Variants in NCKAP5 observed in about 807,000 individuals in gnomAD.
The protein encoded by NCKAP5 is nck-associated protein 5.
In NCKAP5, 92 loss-of-function variants were observed where a neutral mutation model predicts 167.0. The ratio of observed to expected loss-of-function variants is 0.55; its 90% confidence interval spans 0.47 to 0.66. The LOEUF (loss-of-function observed/expected upper bound fraction) is 0.66. Ranked by LOEUF, NCKAP5 falls within the 30% of genes least tolerant of loss-of-function variation. The probability of loss-of-function intolerance (pLI) is 0.00; values close to 1 mark genes in which losing one functional copy is unlikely to be tolerated. For missense variants in NCKAP5, 2,378 were observed against 2,315.0 expected (o/e 1.03, Z -0.56); for synonymous variants, 891 against 877.4 (o/e 1.02, Z -0.27).
intron 6 of NCKAP5, among the ~76,000 whole-genome samples, chr2:133,013,707 C>T (rs1225031419): frequency 1.3e-5 from 2 of 152,204 alleles, no homozygotes; most frequent in Non-Finnish European, 2.9e-5. Flanking sequence ...TCAGGGACCA[C>T]AGCTCAGCCT....
intron 19 of NCKAP5, among the ~76,000 whole-genome samples, chr2:132,702,305 AC>A (rs1413765630): frequency 6.6e-6 from 1 of 152,128 alleles, no homozygotes; most frequent in African/African-American, 2.4e-5. Flanking sequence ...GCTCCCTGGC[AC>A]CACTCTTGGA....
Position 133,409,375 on chromosome 2 carries a change from T to C in NCKAP5, c.70-106265A>G, listed in dbSNP as rs77679805. 5.9e-4 allele frequency among the ~76,000 whole-genome samples: 90 copies of C among 152,314 alleles called. No homozygotes were observed. In the East Asian group the frequency reaches 0.015, roughly 25 times the overall value. Reference sequence around the variant, plus strand: ...GACGCTAAACATCTCAGAGGCAGGATTGTACCCTTTTTGTAGGCATTGGGC... The same window carrying C: ...GACGCTAAACATCTCAGAGGCAGGACTGTACCCTTTTTGTAGGCATTGGGC... On this transcript the variant is annotated intron_variant, in intron 3 of 19. Coordinates refer to ENST00000409261, the MANE Select transcript of NCKAP5 (RefSeq NM_207363.3).
chr2:133,599,836 A>C, the NCKAP5 span, among the ~76,000 whole-genome samples: 1 of 152,210 alleles, frequency 6.6e-6, no homozygotes, highest in Non-Finnish European at 1.5e-5. Context: ...GAGGGCATGA[A>C]ATCAGAAATC....
At chr2:133,086,996 G>A (rs2081015072) in intron 6 of NCKAP5, among the ~76,000 whole-genome samples, 6 of 152,312 alleles carry the variant, frequency 3.9e-5, no homozygotes, top group African/African-American at 1.2e-4. Context: ...ATTTTTAGAT[G>A]AGGGAGTGTG....
At chr2:133,584,940 A>AGG in the NCKAP5 span, among the ~76,000 whole-genome samples, 9 of 139,858 alleles carry the variant, frequency 6.4e-5, no homozygotes, top group Non-Finnish European at 1.2e-4. Flanking sequence ...AAAAAAAAGA[A>AGG]AGAAGGAAGG....
intron 2 of NCKAP5, among the ~76,000 whole-genome samples, chr2:133,539,107 AT>A (rs1359833468): frequency 1.3e-5 from 2 of 151,520 alleles, no homozygotes; most frequent in East Asian, 3.9e-4. Flanking sequence ...CGCCCGGCTA[AT>A]TTTTTGTATT....
chr2:133,650,610 C>A, the NCKAP5 span, among the ~76,000 whole-genome samples: 43 of 152,298 alleles, frequency 2.8e-4, no homozygotes, highest in Non-Finnish European at 4.0e-4. Flanking sequence ...TGTGGTGGCT[C>A]ATGCCTGTAA....
intron 9 of NCKAP5, among the ~76,000 whole-genome samples, chr2:132,874,664 C>T (rs1026476483): frequency 6.6e-6 from 1 of 152,124 alleles, no homozygotes; most frequent in African/African-American, 2.4e-5. Flanking sequence ...ACTCCACCGT[C>T]GTCACTGACT....
At chr2:133,389,129 A>C (rs186178135) in intron 3 of NCKAP5, among the ~76,000 whole-genome samples, 29 of 152,224 alleles carry the variant, frequency 1.9e-4, no homozygotes, top group African/African-American at 6.7e-4. Flanking sequence ...TGCGTCACTC[A>C]TGCTGGGAGC....
At chr2:133,122,920 C>A (rs1003829169) in intron 6 of NCKAP5, 4 of 152,096 alleles carry the variant, frequency 2.6e-5, no homozygotes, top group Non-Finnish European at 5.9e-5. Context: ...AACTATAATG[C>A]AATTGAATTT....
chr2:132,857,182 T>A (rs1358473164), intron 11 of NCKAP5, among the ~76,000 whole-genome samples: 1 of 152,006 alleles, frequency 6.6e-6, no homozygotes, highest in Non-Finnish European at 1.5e-5. Context: ...TTTTTTTTTT[T>A]AATTTGGCAT....
Position 133,566,880 on chromosome 2 carries a change from T to C in NCKAP5, c.-130+1336A>G, listed in dbSNP as rs570732388. 6.6e-5 allele frequency among the ~76,000 whole-genome samples: 10 copies of C among 152,340 alleles called. No homozygotes were observed. In the South Asian group the frequency reaches 2.1e-3, roughly 32 times the overall value. ...ATACACAAAACATATCTAAGCCTAA[T>C]GTGTTCTGATGGAAAAAAATGGAGC... On this transcript the variant is annotated intron_variant, in intron 1 of 19. Coordinates refer to ENST00000409261, the MANE Select transcript of NCKAP5 (RefSeq NM_207363.3).
chr2:133,036,236 C>T (rs1349910079), intron 6 of NCKAP5, among the ~76,000 whole-genome samples: 1 of 151,898 alleles, frequency 6.6e-6, no homozygotes, highest in Non-Finnish European at 1.5e-5. Context: ...CTAAAATCTA[C>T]CAAATATTTA....
intron 8 of NCKAP5, among the ~76,000 whole-genome samples, chr2:132,929,560 G>C (rs1261596759): frequency 6.6e-6 from 1 of 152,142 alleles, no homozygotes; most frequent in African/African-American, 2.4e-5. Flanking sequence ...ATGATTCTCA[G>C]GAGAAGCTAT....
At chr2:133,023,181 GATTTGAGGTA>G (rs2078585685) in intron 6 of NCKAP5, among the ~76,000 whole-genome samples, 1 of 152,190 alleles carries the variant, frequency 6.6e-6, no homozygotes, top group African/African-American at 2.4e-5. Flanking sequence ...TGAGGGTAAA[GATTTGAGGTA>G]ATTTGTCACA....
In NCKAP5 at chr2:132,837,946, C is replaced by A. The variant is rs991082513; in HGVS notation, c.807+22546G>T. ...GGGTGGTGGTGTTCTGGCAGCTGGA[C>A]AGAAGAGGTGGAGGTGGGGAGGGGC... On this transcript the variant is annotated intron_variant, in intron 11 of 19. Transcript: ENST00000409261. Among the ~76,000 whole-genome samples, 7 of 152,100 alleles carry A rather than the reference C, an allele frequency of 4.6e-5. No individual in the cohort carries two copies. The East Asian group carries it at 1.4e-3, about 29-fold the overall frequency.
chr2:133,328,735 A>G (rs1682629225), intron 3 of NCKAP5, among the ~76,000 whole-genome samples: 1 of 152,152 alleles, frequency 6.6e-6, no homozygotes, highest in Non-Finnish European at 1.5e-5. Flanking sequence ...ATATATAATG[A>G]AAAAAATATA....
At chr2:132,777,946 C>T (rs777801993) in intron 15 of NCKAP5, among the ~76,000 whole-genome samples, 2 of 151,702 alleles carry the variant, frequency 1.3e-5, no homozygotes, top group Non-Finnish European at 1.5e-5. Context: ...AAATGGTTCA[C>T]GATGAAGGTA....
At chr2:133,414,098 A>G (rs1688951977) in intron 3 of NCKAP5, among the ~76,000 whole-genome samples, 3 of 152,216 alleles carry the variant, frequency 2.0e-5, no homozygotes, top group African/African-American at 4.8e-5. Context: ...AGAAAAATCA[A>G]TGACATACTA....
Sources: allele counts gnomAD v4.1 joint callset (sites outside exome capture counted in the v4.1 genomes callset), GRCh38; gene constraint gnomAD v4.1.1; transcripts MANE v1.5; gene names NCBI Gene and HGNC (gene_info 2026-07-23, HGNC 2026-07-21).